PRDM5: variants seen among roughly 807,000 people sequenced by gnomAD.
PRDM5 encodes the protein PR/SET domain 5, also known as PR domain zinc finger protein 5.
PRDM5 carries 56 observed loss-of-function variants against 81.2 expected under a neutral mutation model. That is an observed-to-expected ratio of 0.69 (90% CI 0.56 to 0.86). The LOEUF is 0.86. PRDM5 is among the 40% of genes least tolerant of loss of function. The probability of loss-of-function intolerance (pLI) is 0.00; values close to 1 mark genes in which losing one functional copy is unlikely to be tolerated. For synonymous variants in PRDM5, 267 were observed against 256.4 expected, an observed-to-expected ratio of 1.04 and a Z score of -0.39; for missense variants, 697 against 770.1, an observed-to-expected ratio of 0.91 and a Z score of 1.12.
In PRDM5 at chr4:120,816,857, T is replaced by G. The variant is rs1754585118; in HGVS notation, c.718A>C (p.Asn240His). 3 of 1,613,868 alleles carry G rather than the reference T, an allele frequency of 1.9e-6. No individual in the cohort carries two copies. Among genetic ancestry groups the G allele is most frequent in the Non-Finnish European group, 2.5e-6 (3 of 1,179,728 alleles). The change falls in exon 6 of 16, where the codon AAT (asparagine) becomes CAT (histidine). Residue 240 changes from asparagine to histidine, a missense_variant. Physicochemically the swap from Asn to His is moderately conservative, Grantham distance 68 (BLOSUM62 1). This residue lies in a region of PRDM5 where 577 missense variants were observed against 606.7 expected (regional missense o/e 0.95). Transcript: ENST00000264808. ...CTCGATGCTGAACTGAAGGAAGAAT[T>G]GCAAACAGAGCACTGAAAACTTCGC... ...SSRSFQCSVC[N>H]SSFSSASSFE...
At chr4:120,788,916 AG>A (rs1224405241) in intron 10 of PRDM5, among the ~76,000 whole-genome samples, 2 of 152,238 alleles carry the variant, frequency 1.3e-5, no homozygotes, top group African/African-American at 4.8e-5. Context: ...AGGCACAGTA[AG>A]ATGCTTGCAT....
At chr4:120,911,879 GC>G (rs1766555105) in intron 1 of PRDM5, among the ~76,000 whole-genome samples, 2 of 152,140 alleles carry the variant, frequency 1.3e-5, no homozygotes, top group African/African-American at 2.4e-5. Flanking sequence ...AATCTCATTT[GC>G]TATCATTAGA....
Position 120,853,496 on chromosome 4 carries a change from G to A in PRDM5, c.222C>T (p.Thr74=). 1.9e-6 allele frequency: 3 copies of A among 1,613,714 alleles called. No individual in the cohort carries two copies. Among genetic ancestry groups the A allele is most frequent in the Non-Finnish European group, 2.5e-6 (3 of 1,179,744 alleles). The change falls in exon 3 of 16, where the codon ACC becomes ACT. Residue 74 remains threonine, a synonymous_variant. Coordinates refer to ENST00000264808, the MANE Select transcript of PRDM5 (RefSeq NM_018699.4). ...GAAGCCAGTTGGAGTGCCGTGGGTT[G>A]GTAGCATCCAAAATGTACAAAACTT... The part of the protein sequence containing the change: ...KGEVLYILDA[T]NPRHSNWLRF...
chr4:120,813,102 A>G (rs1754061926), intron 7 of PRDM5: 1 of 153,222 alleles, frequency 6.5e-6, no homozygotes, highest in Non-Finnish European at 1.5e-5. Context: ...TTGGCAATTC[A>G]TACTATTACT....
At chr4:120,772,355 C>A (rs763919996) in intron 13 of PRDM5, among the ~76,000 whole-genome samples, 9 of 152,232 alleles carry the variant, frequency 5.9e-5, no homozygotes, top group Non-Finnish European at 8.8e-5. Flanking sequence ...TACAAGTAAG[C>A]CCAAATTTAG....
At chr4:120,724,965 C>T (rs1341247658) in intron 14 of PRDM5, among the ~76,000 whole-genome samples, 3 of 152,148 alleles carry the variant, frequency 2.0e-5, no homozygotes, top group Non-Finnish European at 2.9e-5. Flanking sequence ...CTGCCCCAGT[C>T]AAACTTAAAA....
intron 2 of PRDM5, among the ~76,000 whole-genome samples, chr4:120,863,193 C>T (rs10010892): frequency 0.068 from 6,385 of 93,574 alleles, 182 homozygotes; most frequent in African/African-American, 0.095. Flanking sequence ...TATATATATA[C>T]ACACACACAC....
chr4:120,877,935 T>G (rs1196115247), intron 2 of PRDM5, among the ~76,000 whole-genome samples: 1 of 148,420 alleles, frequency 6.7e-6, no homozygotes, highest in Non-Finnish European at 1.5e-5. Context: ...AAAAGAAGAA[T>G]AAAATAATAA....
intron 11 of PRDM5, among the ~76,000 whole-genome samples, chr4:120,781,784 G>A (rs1334722792): frequency 1.3e-5 from 2 of 152,186 alleles, no homozygotes; most frequent in Non-Finnish European, 2.9e-5. Flanking sequence ...TCTGAGGGCA[G>A]AGGGTGTGCA....
intron 1 of PRDM5, among the ~76,000 whole-genome samples, chr4:120,910,361 T>A (rs1766372056): frequency 6.6e-6 from 1 of 152,224 alleles, no homozygotes. Flanking sequence ...TAATTTATAT[T>A]TGGCTTTAGA....
At chr4:120,722,454 C>A (rs1307818502) in intron 14 of PRDM5, among the ~76,000 whole-genome samples, 2 of 152,052 alleles carry the variant, frequency 1.3e-5, no homozygotes, top group Middle Eastern at 3.4e-3. Flanking sequence ...TGGTTAAGCA[C>A]CCTGGAGGAG....
At chr4:120,811,876 A>G (rs916010143) in intron 7 of PRDM5, among the ~76,000 whole-genome samples, 1 of 152,118 alleles carries the variant, frequency 6.6e-6, no homozygotes, top group Non-Finnish European at 1.5e-5. Context: ...CATTTGTGTT[A>G]GAAACATTCC....
At chr4:120,742,673 G>C (rs1477276564) in intron 14 of PRDM5, among the ~76,000 whole-genome samples, 1 of 152,168 alleles carries the variant, frequency 6.6e-6, no homozygotes, top group Non-Finnish European at 1.5e-5. Flanking sequence ...GGAAGAAAGG[G>C]TATCAGCAAT....
chr4:120,892,073 G>T (rs999002480), intron 2 of PRDM5, among the ~76,000 whole-genome samples: 12 of 152,188 alleles, frequency 7.9e-5, no homozygotes, highest in African/African-American at 2.7e-4. Flanking sequence ...TTATACAAAA[G>T]TCATTCAGGA....
intron 2 of PRDM5, among the ~76,000 whole-genome samples, chr4:120,859,599 T>C: frequency 6.6e-6 from 1 of 152,258 alleles, no homozygotes; most frequent in Admixed American, 6.5e-5. Context: ...TTAACACTAT[T>C]ATTCAAATCC....
intron 2 of PRDM5, among the ~76,000 whole-genome samples, chr4:120,860,812 T>C (rs1226014875): frequency 6.6e-6 from 1 of 152,196 alleles, no homozygotes; most frequent in Non-Finnish European, 1.5e-5. Context: ...AAAAGTGTTA[T>C]TTCACCAAAG....
At chr4:120,788,377 A>C (rs1750071453) in intron 10 of PRDM5, among the ~76,000 whole-genome samples, 1 of 152,232 alleles carries the variant, frequency 6.6e-6, no homozygotes. Flanking sequence ...AATGGAGTCC[A>C]GGAAGACATT....
At chr4:120,716,856 G>A (rs1415519452) in intron 14 of PRDM5, among the ~76,000 whole-genome samples, 3 of 152,034 alleles carry the variant, frequency 2.0e-5, no homozygotes, top group African/African-American at 7.2e-5. Flanking sequence ...CAAAATAGAA[G>A]AAAATAAACG....
At chr4:120,922,199 G>C (rs1725030703) in intron 1 of PRDM5, among the ~76,000 whole-genome samples, 1 of 152,226 alleles carries the variant, frequency 6.6e-6, no homozygotes, top group Non-Finnish European at 1.5e-5. Context: ...GGCTCCCGCC[G>C]CGCTCACTTC....
Sources: gnomAD v4.1 joint callset for allele counts (sites outside exome capture counted in the v4.1 genomes callset) on GRCh38, gnomAD v4.1.1 for gene constraint, gnomAD v4.1.1 regional missense constraint, MANE v1.5 for transcripts, NCBI Gene and HGNC (gene_info 2026-07-23, HGNC 2026-07-21) for gene names.